Variants in PPHLN1 observed in about 807,000 individuals in gnomAD.
The protein encoded by PPHLN1 is periphilin-1.
Under a neutral mutation model 51.3 loss-of-function variants are expected in PPHLN1, and 29 were observed. The ratio of observed to expected loss-of-function variants is 0.57; its 90% CI spans 0.42 to 0.77. The LOEUF is 0.77. Among genes scored for constraint, PPHLN1 ranks in the 30% least tolerant of loss-of-function variants. The pLI, the probability that PPHLN1 is intolerant of heterozygous loss-of-function variation, is 0.00. For synonymous variants in PPHLN1, 147 were observed against 147.8 expected (o/e 0.99, Z 0.04); for missense variants, 436 against 438.4 (o/e 0.99, Z 0.05).
intron 5 of PPHLN1, among the ~76,000 whole-genome samples, chr12:42,378,131 TCTTTCTTTCTTTCTTTCTTTC>T (rs1244886996): frequency 1.2e-4 from 18 of 147,602 alleles, no homozygotes; most frequent in African/African-American, 4.2e-4. Flanking sequence ...TTTCTTTCTT[TCTTTCTTTCTTTCTTTCTTTC>T]AAGTTATTTA....
At chr12:42,423,369 C>A (rs189370564) in intron 9 of PPHLN1, among the ~76,000 whole-genome samples, 45 of 152,126 alleles carry the variant, frequency 3.0e-4, no homozygotes, top group Admixed American at 1.2e-3. Context: ...TACTTTTAAT[C>A]TACCTGATAC....
At chr12:42,354,501 C>T (rs895309591) in intron 3 of PPHLN1, among the ~76,000 whole-genome samples, 28 of 152,114 alleles carry the variant, frequency 1.8e-4, no homozygotes, top group African/African-American at 6.3e-4. Context: ...TGAGCCACTG[C>T]GCCTGGCCAA....
intron 4 of PPHLN1, 78 bp from the exon 5 acceptor site, chr12:42,374,785 G>A: frequency 8.2e-7 from 1 of 1,219,616 alleles, no homozygotes; most frequent in South Asian, 1.5e-5. Context: ...TAGCTTATAA[G>A]CAGAGCTTTT....
intron 9 of PPHLN1, among the ~76,000 whole-genome samples, chr12:42,410,617 C>T (rs761693700): frequency 8.5e-5 from 13 of 152,198 alleles, no homozygotes; most frequent in Non-Finnish European, 1.5e-4. Flanking sequence ...TTGGCTCTGT[C>T]ATTTGCTAAT....
At chr12:42,438,453 C>T (rs753123392) in intron 9 of PPHLN1, among the ~76,000 whole-genome samples, 25 of 152,200 alleles carry the variant, frequency 1.6e-4, no homozygotes, top group Non-Finnish European at 3.1e-4. Context: ...TACTCATCAT[C>T]GTTTTAATTT....
chr12:42,333,915 G>A (rs760306696), intron 1 of PPHLN1, among the ~76,000 whole-genome samples: 41 of 152,138 alleles, frequency 2.7e-4, no homozygotes, highest in Non-Finnish European at 5.4e-4. Context: ...TTTGAAGGAG[G>A]TTGAACATCT....
At chr12:42,334,720 CATG>C (rs2137766171) in intron 1 of PPHLN1, among the ~76,000 whole-genome samples, 1 of 152,250 alleles carries the variant, frequency 6.6e-6, no homozygotes, top group African/African-American at 2.4e-5. Context: ...ATTTTTTGCT[CATG>C]GTGGTTCTTC....
At chr12:42,351,614 A>G (rs1201662439) in intron 2 of PPHLN1, 1 of 229,150 alleles carries the variant, frequency 4.4e-6, no homozygotes, top group East Asian at 9.5e-5. Context: ...TACTAAAATG[A>G]TAATATTGTA....
intron 2 of PPHLN1, chr12:42,351,310 G>A (rs2073322344): frequency 6.6e-6 from 1 of 152,098 alleles, no homozygotes; most frequent in Admixed American, 6.5e-5. Context: ...ACATTAACAA[G>A]GTATTCCAGT....
chr12:42,378,797 C>T (rs904972085), intron 5 of PPHLN1, among the ~76,000 whole-genome samples: 3 of 152,112 alleles, frequency 2.0e-5, no homozygotes, highest in African/African-American at 7.2e-5. Flanking sequence ...CTTTGAACTA[C>T]TTCAAACTAA....
At chr12:42,357,735 AT>A (rs928898519) in intron 4 of PPHLN1, among the ~76,000 whole-genome samples, 1 of 152,130 alleles carries the variant, frequency 6.6e-6, no homozygotes, top group Non-Finnish European at 1.5e-5. Context: ...TATTTATATT[AT>A]TTTTTATTTG....
At chr12:42,425,064 A>G (rs2081323438) in intron 9 of PPHLN1, among the ~76,000 whole-genome samples, 1 of 151,460 alleles carries the variant, frequency 6.6e-6, no homozygotes. Context: ...GTATGTATGT[A>G]TGTATGTATG....
intron 4 of PPHLN1, among the ~76,000 whole-genome samples, chr12:42,357,339 A>G (rs2074154796): frequency 6.6e-6 from 1 of 152,216 alleles, no homozygotes; most frequent in Non-Finnish European, 1.5e-5. Context: ...ATGCCTTGAA[A>G]AAGATGTGAA....
intron 8 of PPHLN1, among the ~76,000 whole-genome samples, chr12:42,397,010 C>T (rs1157639308): frequency 2.0e-5 from 3 of 149,090 alleles, no homozygotes; most frequent in African/African-American, 5.0e-5. Context: ...TGCACTCCAG[C>T]CTGGGTGGCA....
chr12:42,424,523 C>T (rs2081261890), intron 9 of PPHLN1, among the ~76,000 whole-genome samples: 2 of 152,296 alleles, frequency 1.3e-5, no homozygotes, highest in South Asian at 2.1e-4. Flanking sequence ...ACTCTTAAAT[C>T]CTGTCTTCTA....
At chr12:42,435,084 A>T (rs961865296) in intron 9 of PPHLN1, among the ~76,000 whole-genome samples, 1 of 152,174 alleles carries the variant, frequency 6.6e-6, no homozygotes, top group African/African-American at 2.4e-5. Context: ...TTTCTTTTTT[A>T]TATGTGGAAT....
In PPHLN1 at chr12:42,412,340, G is replaced by A. The variant is rs377161780; in HGVS notation, c.909+13346G>A. 6.6e-5 allele frequency among the ~76,000 whole-genome samples: 10 copies of A among 152,112 alleles called. No homozygotes were observed. In the East Asian group the frequency reaches 1.4e-3, roughly 21 times the overall value. On this transcript the variant is annotated intron_variant, in intron 9 of 9. Transcript: ENST00000358314. ...TTAGCTCTCACTTGTGAGAACATAT[G>A]GTATTTGGTTTCAGTTTCCTGAGTT... is the stretch of plus-strand genomic sequence containing the variant.
chr12:42,389,837 C>CTTATG (rs10624118), intron 7 of PPHLN1, among the ~76,000 whole-genome samples: 45,518 of 151,636 alleles, frequency 0.3, 7,707 homozygotes, highest in Non-Finnish European at 0.38. Flanking sequence ...ATACAGAAAT[C>CTTATG]TTAGTAGGTA....
At chr12:42,366,785 A>T (rs966219319) in intron 4 of PPHLN1, among the ~76,000 whole-genome samples, 2 of 152,202 alleles carry the variant, frequency 1.3e-5, no homozygotes, top group Non-Finnish European at 2.9e-5. Context: ...CATGAATAAT[A>T]TGCAACACTT....
Sources: gnomAD v4.1 joint callset for allele counts (sites outside exome capture counted in the v4.1 genomes callset) on GRCh38, gnomAD v4.1.1 for gene constraint, MANE v1.5 for transcripts, NCBI Gene and HGNC (gene_info 2026-07-23, HGNC 2026-07-21) for gene names.